Variants in IPO7 observed in about 807,000 individuals in gnomAD.
The protein encoded by IPO7 is importin-7.
Under a neutral mutation model 136.4 loss-of-function variants are expected in IPO7, and 13 were observed. That is an observed-to-expected ratio of 0.10 (90% CI 0.06 to 0.15). The LOEUF is 0.15. IPO7 is among the 10% of genes least tolerant of loss of function. The pLI is 1.00. For synonymous variants in IPO7, 403 were observed against 404.4 expected, an observed-to-expected ratio of 1.00 and a Z score of 0.04; for missense variants, 857 against 1,240.6, an observed-to-expected ratio of 0.69 and a Z score of 4.65.
chr11:9,404,886 G>A (rs2133732913), intron 2 of IPO7, among the ~76,000 whole-genome samples: 1 of 152,070 alleles, frequency 6.6e-6, no homozygotes, highest in East Asian at 1.9e-4. Context: ...TATTTTAATG[G>A]CTAAATAATT....
chr11:9,435,213 C>G (rs1205037626), intron 19 of IPO7, among the ~76,000 whole-genome samples, 182 bp downstream of exon 19: 2 of 152,122 alleles, frequency 1.3e-5, no homozygotes, highest in Non-Finnish European at 2.9e-5. Flanking sequence ...AAATATATGT[C>G]TTTTGTGTGC....
At chr11:9,437,412 G>A (rs1326150395) in intron 20 of IPO7, among the ~76,000 whole-genome samples, 1 of 146,094 alleles carries the variant, frequency 6.8e-6, no homozygotes, top group Non-Finnish European at 1.5e-5. Context: ...CCGCCACCAC[G>A]CCTGGCTAAT....
At chr11:9,418,509 C>T (rs1429080695) in intron 6 of IPO7, among the ~76,000 whole-genome samples, 1 of 151,950 alleles carries the variant, frequency 6.6e-6, no homozygotes, top group African/African-American at 2.4e-5. Flanking sequence ...ATAAGTGAGA[C>T]CAAAGTCCTA....
intron 6 of IPO7, among the ~76,000 whole-genome samples, chr11:9,419,874 A>G (rs959579883): frequency 1.3e-5 from 2 of 152,118 alleles, no homozygotes; most frequent in African/African-American, 4.8e-5. Context: ...CGTGGCCTTG[A>G]CTATACTATT....
intron 2 of IPO7, among the ~76,000 whole-genome samples, chr11:9,404,946 A>G (rs928626576): frequency 4.6e-5 from 7 of 152,134 alleles, no homozygotes; most frequent in African/African-American, 1.7e-4. Flanking sequence ...TAGAAATAGA[A>G]TTTAGTCTGA....
At position 9,384,689 on chromosome 11, in the gene IPO7, C is replaced by A; in HGVS notation, c.-75C>A. On this transcript the variant is annotated 5_prime_UTR_variant, in exon 1 of 25. Coordinates refer to ENST00000379719, the MANE Select transcript of IPO7 (RefSeq NM_006391.3). ...GTTGCCGCTGCGGAGCGCGGCGGGT[C>A]CATGTGCGCAGTGAGTGGCGCTATT... 5.6e-6 allele frequency: 7 copies of A among 1,241,506 alleles called. No homozygotes were observed. The South Asian group carries it at 8.1e-5, about 14-fold the overall frequency. The allele number at this position is 1,241,506 out of a possible 1,614,324, so 76.9% of individuals were successfully genotyped here.
chr11:9,427,358 T>C (rs1855226253), intron 12 of IPO7, among the ~76,000 whole-genome samples: 1 of 152,118 alleles, frequency 6.6e-6, no homozygotes, highest in East Asian at 1.9e-4. Flanking sequence ...CCTCCTGAGT[T>C]CAAGCGATTC....
At chr11:9,432,931 T>A (rs922828556) in intron 16 of IPO7, among the ~76,000 whole-genome samples, 12 of 152,012 alleles carry the variant, frequency 7.9e-5, no homozygotes, top group Non-Finnish European at 1.8e-4. Flanking sequence ...GACTTTTCAA[T>A]TACATTGAGC....
At chr11:9,432,358 T>C (rs1478613204) in intron 16 of IPO7, among the ~76,000 whole-genome samples, 1 of 152,058 alleles carries the variant, frequency 6.6e-6, no homozygotes, top group African/African-American at 2.4e-5. Flanking sequence ...CGCACCACCA[T>C]GCCCAGCTAA....
chr11:9,390,275 G>T (rs181930417), intron 1 of IPO7, among the ~76,000 whole-genome samples: 1 of 151,030 alleles, frequency 6.6e-6, no homozygotes, highest in Admixed American at 6.6e-5. Context: ...TAAGTTTCTT[G>T]ATATTTTGTG....
chr11:9,444,203 G>C (rs1350612020), intron 24 of IPO7, among the ~76,000 whole-genome samples: 1 of 151,060 alleles, frequency 6.6e-6, no homozygotes, highest in Non-Finnish European at 1.5e-5. Context: ...GCTCGAACCT[G>C]GGAGGCAGAG....
chr11:9,402,162 G>A (rs1347098807), intron 1 of IPO7, among the ~76,000 whole-genome samples: 1 of 152,106 alleles, frequency 6.6e-6, no homozygotes, highest in Non-Finnish European at 1.5e-5. Context: ...AACACTTTGG[G>A]AGGCCAAGGC....
At chr11:9,440,687 C>T in intron 23 of IPO7, 26 bp downstream of exon 23, 1 of 1,493,292 alleles carries the variant, frequency 6.7e-7, no homozygotes, top group Non-Finnish European at 9.3e-7. Flanking sequence ...ACATGTGGAT[C>T]CATTTCATTG....
chr11:9,394,520 A>T (rs1486728446), intron 1 of IPO7, among the ~76,000 whole-genome samples: 2 of 152,178 alleles, frequency 1.3e-5, no homozygotes, highest in African/African-American at 4.8e-5. Context: ...TCTTCATTAC[A>T]TTCTTCACAG....
At chr11:9,413,328 G>A (rs188092768) in intron 4 of IPO7, among the ~76,000 whole-genome samples, 6 of 152,090 alleles carry the variant, frequency 3.9e-5, no homozygotes, top group African/African-American at 9.6e-5. Flanking sequence ...AAGAACTTAC[G>A]GTTTATGATG....
intron 1 of IPO7, among the ~76,000 whole-genome samples, chr11:9,391,373 G>C (rs562643694): frequency 6.6e-6 from 1 of 151,646 alleles, no homozygotes; most frequent in Non-Finnish European, 1.5e-5. Flanking sequence ...ATTCCAGCCC[G>C]GGCAACAGTG....
chr11:9,415,855 G>GA (rs1026625025), intron 5 of IPO7, among the ~76,000 whole-genome samples: 55 of 151,472 alleles, frequency 3.6e-4, no homozygotes, highest in African/African-American at 1.3e-3. Flanking sequence ...AAGAAAAAAA[G>GA]AAAAAAAAGA....
intron 1 of IPO7, among the ~76,000 whole-genome samples, chr11:9,396,969 G>A (rs961902985): frequency 2.0e-5 from 3 of 151,744 alleles, no homozygotes; most frequent in Non-Finnish European, 4.4e-5. Context: ...CATTTTCATT[G>A]GCCTAGAAAG....
chr11:9,389,765 C>CTT (rs779473412), intron 1 of IPO7, among the ~76,000 whole-genome samples: 1 of 144,866 alleles, frequency 6.9e-6, no homozygotes, highest in Admixed American at 6.9e-5. Flanking sequence ...GTATATACAC[C>CTT]TTTTTTTTTT....
Sources: allele counts gnomAD v4.1 joint callset (sites outside exome capture counted in the v4.1 genomes callset), GRCh38; gene constraint gnomAD v4.1.1; transcripts MANE v1.5; gene names NCBI Gene and HGNC (gene_info 2026-07-23, HGNC 2026-07-21).